MECOM: variants seen among roughly 807,000 people sequenced by gnomAD.
MECOM encodes the protein histone-lysine N-methyltransferase MECOM.
Under a neutral mutation model 116.3 loss-of-function variants are expected in MECOM, and 13 were observed. The observed-to-expected ratio is 0.11, with a 90% CI of 0.07 to 0.18. MECOM has a LOEUF of 0.18. Ranked by LOEUF, MECOM falls within the 10% of genes least tolerant of loss-of-function variation. MECOM has a pLI of 1.00. For missense variants in MECOM, 1,299 were observed against 1,509.0 expected, an observed-to-expected ratio of 0.86 and a Z score of 2.31; for synonymous variants, 528 against 535.2, an observed-to-expected ratio of 0.99 and a Z score of 0.19.
chr3:169,356,640 A>G (rs1727331967), intron 2 of MECOM, among the ~76,000 whole-genome samples: 1 of 151,902 alleles, frequency 6.6e-6, no homozygotes, highest in Non-Finnish European at 1.5e-5. Flanking sequence ...GGTACTTATT[A>G]TCTTTTCTTA....
intron 1 of MECOM, among the ~76,000 whole-genome samples, chr3:169,603,943 A>G (rs939734308): frequency 1.3e-5 from 2 of 152,226 alleles, no homozygotes; most frequent in African/African-American, 4.8e-5. Context: ...GACTCTGTAG[A>G]GAGTCTGAAG....
At chr3:169,254,797 C>A (rs975390921) in intron 2 of MECOM, among the ~76,000 whole-genome samples, 1 of 151,800 alleles carries the variant, frequency 6.6e-6, no homozygotes, top group Middle Eastern at 3.2e-3. Flanking sequence ...AATTTTAGGG[C>A]AATAATCAAA....
At chr3:169,423,708 CATTT>C (rs1261152761) in intron 1 of MECOM, among the ~76,000 whole-genome samples, 14 of 151,994 alleles carry the variant, frequency 9.2e-5, no homozygotes, top group African/African-American at 3.4e-4. Flanking sequence ...AACTCCATCC[CATTT>C]CTGATGAGGA....
Position 169,402,817 on chromosome 3 carries a change from T to G in MECOM, c.38-21293A>C, listed in dbSNP as rs761781487. 3.9e-5 allele frequency among the ~76,000 whole-genome samples: 6 copies of G among 152,338 alleles called. No individual in the cohort carries two copies. The South Asian group carries it at 6.2e-4, about 16-fold the overall frequency. On this transcript the variant is annotated intron_variant, in intron 1 of 16. Coordinates refer to ENST00000651503, the MANE Select transcript of MECOM (RefSeq NM_004991.4). ...TCCTACACTTTACGATGTTCAATAT[T>G]CTTTGGCAATCCTAACTCAGGTACT...
At chr3:169,381,097 A>G in intron 2 of MECOM, 90 bp downstream of exon 2, 2 of 1,145,590 alleles carry the variant, frequency 1.7e-6, no homozygotes, top group Non-Finnish European at 2.5e-6. Context: ...ATTGTAACAA[A>G]TATAATTTGC....
At chr3:169,110,922 A>G (rs1727151789) in intron 9 of MECOM, among the ~76,000 whole-genome samples, 1 of 152,188 alleles carries the variant, frequency 6.6e-6, no homozygotes, top group East Asian at 1.9e-4. Context: ...AGCACTGGAC[A>G]CATGCCTCAT....
intron 14 of MECOM, among the ~76,000 whole-genome samples, chr3:169,092,656 C>G (rs946214456): frequency 6.6e-6 from 1 of 151,986 alleles, no homozygotes; most frequent in Non-Finnish European, 1.5e-5. Flanking sequence ...AACCAGAGAG[C>G]TCAGGTTGAA....
At chr3:169,575,921 T>C (rs977374467) in intron 1 of MECOM, among the ~76,000 whole-genome samples, 1 of 152,090 alleles carries the variant, frequency 6.6e-6, no homozygotes, top group Non-Finnish European at 1.5e-5. Flanking sequence ...CATTTCCCTG[T>C]AAACCGTACA....
intron 2 of MECOM, among the ~76,000 whole-genome samples, chr3:169,169,016 G>A (rs1410983196): frequency 6.6e-6 from 1 of 151,720 alleles, no homozygotes; most frequent in Non-Finnish European, 1.5e-5. Context: ...AAAATATGCA[G>A]GCAAAAATAA....
At chr3:169,439,918 G>T (rs1445247805) in intron 1 of MECOM, among the ~76,000 whole-genome samples, 1 of 152,028 alleles carries the variant, frequency 6.6e-6, no homozygotes, top group Admixed American at 6.5e-5. Flanking sequence ...ATGTAGAAAA[G>T]CAAGACCCAG....
At chr3:169,357,961 A>G (rs1727555840) in intron 2 of MECOM, among the ~76,000 whole-genome samples, 1 of 151,766 alleles carries the variant, frequency 6.6e-6, no homozygotes, top group African/African-American at 2.4e-5. Flanking sequence ...TTAATTAATA[A>G]TGAACAAAAA....
intron 2 of MECOM, among the ~76,000 whole-genome samples, chr3:169,336,498 C>T (rs1407773389): frequency 1.3e-5 from 2 of 152,036 alleles, no homozygotes; most frequent in East Asian, 1.9e-4. Context: ...ATATAATTCA[C>T]TTATCAGTGC....
At chr3:169,618,305 A>G (rs986932313) in intron 1 of MECOM, among the ~76,000 whole-genome samples, 3 of 152,196 alleles carry the variant, frequency 2.0e-5, no homozygotes, top group African/African-American at 7.2e-5. Flanking sequence ...ACCAGATTAT[A>G]TTTCATAATG....
chr3:169,483,868 C>T, intron 1 of MECOM: 8 of 1,611,018 alleles, frequency 5.0e-6, no homozygotes, highest in Non-Finnish European at 6.8e-6. Flanking sequence ...TTGCTCCTTT[C>T]GATGGTCACC....
intron 1 of MECOM, among the ~76,000 whole-genome samples, chr3:169,394,894 A>G (rs1322958347): frequency 6.6e-6 from 1 of 152,182 alleles, no homozygotes; most frequent in Non-Finnish European, 1.5e-5. Context: ...GCATATCTGC[A>G]TTTTTCTTCA....
intron 2 of MECOM, among the ~76,000 whole-genome samples, chr3:169,160,435 A>T (rs1742671579): frequency 6.6e-6 from 1 of 151,550 alleles, no homozygotes; most frequent in South Asian, 2.1e-4. Flanking sequence ...AGCTAAATGA[A>T]TAAGATCTAG....
chr3:169,663,229 GC>G, intron 1 of MECOM, 106 bp downstream of exon 1: 3 of 1,339,544 alleles, frequency 2.2e-6, no homozygotes, highest in South Asian at 1.3e-5. Flanking sequence ...TCCACCCGGG[GC>G]CCCGGCGCAA....
At chr3:169,129,477 T>C (rs1475827755) in intron 4 of MECOM, among the ~76,000 whole-genome samples, 2 of 151,732 alleles carry the variant, frequency 1.3e-5, no homozygotes, top group African/African-American at 4.8e-5. Context: ...GCTGCAGAAA[T>C]CCACATAAGA....
intron 3 of MECOM, among the ~76,000 whole-genome samples, chr3:169,136,393 A>G (rs1161982189): frequency 6.6e-6 from 1 of 151,194 alleles, no homozygotes; most frequent in East Asian, 1.9e-4. Flanking sequence ...TTCTTATTAT[A>G]TATCATACAA....
Sources: allele counts gnomAD v4.1 joint callset (sites outside exome capture counted in the v4.1 genomes callset), GRCh38; gene constraint gnomAD v4.1.1; transcripts MANE v1.5; gene names NCBI Gene and HGNC (gene_info 2026-07-23, HGNC 2026-07-21).